Variants in CRYBG2 observed in about 807,000 individuals in gnomAD.
CRYBG2 encodes beta/gamma crystallin domain-containing protein 2.
CRYBG2 carries 106 observed loss-of-function variants against 153.4 expected under a neutral mutation model. The observed-to-expected ratio is 0.69, with a 90% CI of 0.59 to 0.81. CRYBG2 has a LOEUF of 0.81. CRYBG2 is among the 30% of genes least tolerant of loss of function. CRYBG2 has a pLI of 0.00. For synonymous variants in CRYBG2, 851 were observed against 877.8 expected (o/e 0.97, Z 0.54); for missense variants, 1,996 against 2,112.0 (o/e 0.95, Z 1.08).
At chr1:26,327,494 C>T (rs201561851) in intron 17 of CRYBG2, among the ~76,000 whole-genome samples, 3 of 139,390 alleles carry the variant, frequency 2.2e-5, no homozygotes, top group Admixed American at 7.1e-5. Flanking sequence ...AAAAAAAAAC[C>T]AAAAATTAGC....
At chr1:26,353,487 C>T (rs1190501446) in intron 1 of CRYBG2, among the ~76,000 whole-genome samples, 2 of 152,162 alleles carry the variant, frequency 1.3e-5, no homozygotes, top group African/African-American at 2.4e-5. Flanking sequence ...ACTCCTTTGG[C>T]TTCCAGCTCA....
rs1397527927 is a variant in CRYBG2 at position 26,337,662 on chromosome 1, C to T, written c.3520G>A (p.Glu1174Lys). 6.2e-7 allele frequency: 1 copy of T among 1,611,886 alleles called. No homozygotes were observed. Among genetic ancestry groups the T allele is most frequent in the Admixed American group, 1.7e-5 (1 of 59,988 alleles). Residue 1174 changes from glutamate to lysine, a missense_variant, in exon 9 of 20, where the codon GAG (glutamate) becomes AAG (lysine). Physicochemically the swap from Glu to Lys is moderately conservative, Grantham distance 56. Coordinates refer to ENST00000308182, the MANE Select transcript of CRYBG2 (RefSeq NM_001039775.4). ...KPGEPRAVVY[E>K]APGFQGRSWE... ...CTGCGGCCCTGAAAGCCTGGGGCCT[C>T]ATACACCACAGCCTGGGGGAAAGGG...
chr1:26,346,580 G>T lies in CRYBG2; in HGVS notation c.78C>A (p.Pro26=). The stretch of plus-strand genomic sequence containing the variant: ...CATGTTTGATCTCTTCCTGGGTGGG[G>T]GGCCGCTGCCGCCATGTCAATGTGG... ...VSATLTWRQR[P]PTQEEIKHGF... Residue 26 remains proline (P), a synonymous_variant, in exon 2 of 20, where the codon CCC becomes CCA. Transcript: ENST00000308182. The surrounding 1 kb of genome is among the most constrained non-coding windows in gnomAD (Gnocchi z 4.9). 3 of 1,600,550 alleles carry T rather than the reference G, an allele frequency of 1.9e-6. No individual in the cohort carries two copies. Among genetic ancestry groups the T allele is most frequent in the Non-Finnish European group, 2.6e-6 (3 of 1,173,774 alleles).
intron 17 of CRYBG2, among the ~76,000 whole-genome samples, chr1:26,326,030 T>C (rs542960722): frequency 6.6e-6 from 1 of 152,024 alleles, no homozygotes; most frequent in East Asian, 1.9e-4. Flanking sequence ...GCTGGGACTA[T>C]AGCACAAGCC....
intron 17 of CRYBG2, 80 bp from the exon 18 acceptor site, chr1:26,324,390 T>C (rs2073897949): frequency 1.4e-6 from 2 of 1,419,778 alleles, no homozygotes; most frequent in Middle Eastern, 2.2e-4. Context: ...CTCTGGACTC[T>C]CCAGTATCAG....
Position 26,343,982 on chromosome 1 carries a change from C to T in CRYBG2, c.2676G>A (p.Leu892=), listed in dbSNP as rs1211765985. 2.0e-6 allele frequency: 3 copies of T among 1,536,880 alleles called. No individual in the cohort carries two copies. The East Asian group carries it at 7.3e-5, about 38-fold the overall frequency. The change falls in exon 2 of 20, where the codon TTG becomes TTA. Residue 892 remains leucine (L), a synonymous_variant. Coordinates refer to ENST00000308182, the MANE Select transcript of CRYBG2 (RefSeq NM_001039775.4). This position sits in a 1 kb window ranked among gnomAD's most constrained non-coding sequence, Gnocchi z 4.1. The stretch of plus-strand genomic sequence containing the variant: ...TGGGCCTGCTGCCTCCCTGCAGTTC[C>T]AATCCCAGCTCTGAGTGGGGGCCCT... ...GTKGPHSELG[L]ELQGGSRPTS... is the part of the protein sequence containing the mutation.
At chr1:26,342,403 C>T (rs1265298154) in intron 5 of CRYBG2, among the ~76,000 whole-genome samples, 1 of 152,050 alleles carries the variant, frequency 6.6e-6, no homozygotes, top group Non-Finnish European at 1.5e-5. Flanking sequence ...AAGATCTCTG[C>T]CAGGAATTTC....
Position 26,344,156 on chromosome 1 carries a change from T to C in CRYBG2, c.2502A>G (p.Pro834=). The change falls in exon 2 of 20, where the codon CCA becomes CCG. Residue 834 remains proline (P), a synonymous_variant. Coordinates refer to ENST00000308182, the MANE Select transcript of CRYBG2 (RefSeq NM_001039775.4). ...EEKEEEEEEE[P]ENPYLSDDEK... is the part of the protein sequence containing the mutation. ...CATCGTCACTCAGATAGGGGTTCTC[T>C]GGTTCCTCCTCCTCCTCCTCCTCTT... 6.5e-7 allele frequency: 1 copy of C among 1,535,792 alleles called. No homozygotes were observed. The highest frequency in any genetic ancestry group is 8.7e-7 in the Non-Finnish European group (1 of 1,146,648).
rs1305962695 is a variant in CRYBG2, at chr1:26,336,693, C to T, written c.3951G>A (p.Gln1317=). The T allele has an allele frequency of 6.4e-7, 1 of 1,570,976 alleles. No homozygotes were observed. Among genetic ancestry groups the T allele is most frequent in the Non-Finnish European group, 8.6e-7 (1 of 1,157,656 alleles). ...GATACACGCCCTTCTCCAGCACGTA[C>T]TGTTCCCCGGAGAAGCCCACCTCCT... The part of the protein sequence containing the change: ...AYQEVGFSGE[Q]YVLEKGVYRN... Residue 1317 remains glutamine (Q), a synonymous_variant, in exon 12 of 20, where the codon CAG becomes CAA. Transcript: ENST00000308182. This position sits in a 1 kb window ranked among gnomAD's most constrained non-coding sequence, Gnocchi z 4.9.
Position 26,346,756 on chromosome 1 carries a change from T to A in CRYBG2, c.-55-44A>T. On this transcript the variant is annotated intron_variant, in intron 1 of 19. Coordinates refer to ENST00000308182, the MANE Select transcript of CRYBG2 (RefSeq NM_001039775.4). The surrounding 1 kb of genome is among the most constrained non-coding windows in gnomAD (Gnocchi z 4.9). ...GATGAGGGTCAGAGGGTGGTGAGAGTGGCTTCCTAAAGTGCAGAATAACCA... is the reference window on the plus strand; with the variant it reads ...GATGAGGGTCAGAGGGTGGTGAGAGAGGCTTCCTAAAGTGCAGAATAACCA... The A allele has an allele frequency of 7.5e-7, 1 of 1,328,418 alleles. No individual in the cohort carries two copies. The highest frequency in any genetic ancestry group is 1.0e-6 in the Non-Finnish European group (1 of 992,424). The allele number at this position is 1,328,418 out of a possible 1,614,324, so 82.3% of individuals were successfully genotyped here.
Position 26,345,587 on chromosome 1 carries a change from G to A in CRYBG2, c.1071C>T (p.Leu357=), listed in dbSNP as rs749062561. 1.0e-5 allele frequency: 16 copies of A among 1,602,440 alleles called. No individual in the cohort carries two copies. Among genetic ancestry groups the A allele is most frequent in the Admixed American group, 3.3e-5 (2 of 59,996 alleles). ...GGCCAGGAGAGGGGACATGGGTCTC[G>A]AGTCTGGGAGAGGAGGGGACTGATG... ...GQASVPSSPR[L]ETHVPSPGLT... Residue 357 remains leucine, a synonymous_variant, in exon 2 of 20, where the codon CTC becomes CTT. Transcript: ENST00000308182.
At chr1:26,352,877 C>T (rs1173738905) in intron 1 of CRYBG2, among the ~76,000 whole-genome samples, 2 of 151,878 alleles carry the variant, frequency 1.3e-5, no homozygotes, top group Non-Finnish European at 2.9e-5. Flanking sequence ...CTGGGTCCTA[C>T]ATCTCCCTCT....
rs918916870 is a variant in CRYBG2, at chr1:26,325,295, C to T, written c.4579-985G>A. ...AATCCCGGCCGGGCGCGGAGGCTCACGCCTGTAATCCCAGCACTTTGGGAG... is the reference window on the plus strand; with the variant it reads ...AATCCCGGCCGGGCGCGGAGGCTCATGCCTGTAATCCCAGCACTTTGGGAG... On this transcript the variant is annotated intron_variant, in intron 17 of 19. Transcript: ENST00000308182. The surrounding 1 kb of genome is among the most constrained non-coding windows in gnomAD (Gnocchi z 4.1). Among the ~76,000 whole-genome samples the T allele has an allele frequency of 3.9e-5, 6 of 152,212 alleles. No individual in the cohort carries two copies. Among genetic ancestry groups the T allele is most frequent in the African/African-American group, 1.2e-4 (5 of 41,462 alleles).
At position 26,336,194 on chromosome 1, in the gene CRYBG2, G is replaced by A. The variant is rs1437239986; in HGVS notation, c.4085C>T (p.Ser1362Phe). 6.4e-7 allele frequency: 1 copy of A among 1,553,490 alleles called. No homozygotes were observed. Among genetic ancestry groups the A allele is most frequent in the Non-Finnish European group, 8.7e-7 (1 of 1,146,774 alleles). Reference sequence around the variant, plus strand: ...GTGGTCGCCCAGAAAGTCGGGGCGGGAGAAAAGCTGAATCTGGAGGCAGAG... The same window carrying A: ...GTGGTCGCCCAGAAAGTCGGGGCGGAAGAAAAGCTGAATCTGGAGGCAGAG... ...LHFVSKIQLF[S>F]RPDFLGDHFS... The change falls in exon 14 of 20, where the codon TCC becomes TTC. Residue 1362 changes from serine (S) to phenylalanine (F), a missense_variant. By Grantham distance (155) the Ser-to-Phe change is radical. Transcript: ENST00000308182. This position sits in a 1 kb window ranked among gnomAD's most constrained non-coding sequence, Gnocchi z 4.9.
In CRYBG2 at chr1:26,346,795, C is replaced by A; in HGVS notation, c.-55-83G>T. ...GCAGAATAACCACCCCTACCCAAGT[C>A]AGGCTGGGAACCTCAGGCAAATCGC... On this transcript the variant is annotated intron_variant, in intron 1 of 19. Transcript: ENST00000308182. This position sits in a 1 kb window ranked among gnomAD's most constrained non-coding sequence, Gnocchi z 4.9. 1.1e-6 allele frequency: 1 copy of A among 922,614 alleles called. No individual in the cohort carries two copies. The highest frequency in any genetic ancestry group is 2.0e-5 in the South Asian group (1 of 48,850). The allele number at this position is 922,614 out of a possible 1,614,324, so 57.2% of individuals were successfully genotyped here. A position where few individuals can be genotyped will look rare whatever the true frequency, so the allele number is the denominator to read the frequency against.
At chr1:26,326,167 C>T (rs903862761) in intron 17 of CRYBG2, among the ~76,000 whole-genome samples, 4 of 152,204 alleles carry the variant, frequency 2.6e-5, no homozygotes, top group Non-Finnish European at 4.4e-5. Flanking sequence ...GATGAAATTA[C>T]AGGAGTGAGC....
In CRYBG2 at chr1:26,336,566, C is replaced by A. The variant is rs1424265657; in HGVS notation, c.4038+40G>T. On this transcript the variant is annotated intron_variant, in intron 12 of 19. Coordinates refer to ENST00000308182, the MANE Select transcript of CRYBG2 (RefSeq NM_001039775.4). This position sits in a 1 kb window ranked among gnomAD's most constrained non-coding sequence, Gnocchi z 4.9. ...CGGGGCGCACCCGAACTCCAGGTCCCGCCACCGGGGAGGCCCCGCCCCCCG... is the reference window on the plus strand; with the variant it reads ...CGGGGCGCACCCGAACTCCAGGTCCAGCCACCGGGGAGGCCCCGCCCCCCG... 6 of 1,540,928 alleles carry A rather than the reference C, an allele frequency of 3.9e-6. No individual in the cohort carries two copies. The South Asian group carries it at 4.8e-5, about 12-fold the overall frequency.
intron 1 of CRYBG2, among the ~76,000 whole-genome samples, chr1:26,351,450 G>A (rs1199379836): frequency 2.0e-5 from 3 of 152,130 alleles, no homozygotes; most frequent in African/African-American, 7.2e-5. Flanking sequence ...GGATGTGCTA[G>A]GCCTTGGCTA....
rs1487380584 is a variant in CRYBG2 at position 26,345,311 on chromosome 1, GTT to G, written c.1345_1346del (p.Asn449LeufsTer2). The G allele has an allele frequency of 6.2e-7, 1 of 1,613,634 alleles. No homozygotes were observed. The highest frequency in any genetic ancestry group is 2.2e-5 in the East Asian group (1 of 44,882). ...AGGGGAGGACAGGGACATTTTCAGA[GTT>G]CTGAACAAACTTATTCCTTGGGGAC... ...PSSPRNKFVQ[N>X]SENVPVLPFT... On this transcript the variant is annotated frameshift_variant, in exon 2 of 20. Coordinates refer to ENST00000308182, the MANE Select transcript of CRYBG2 (RefSeq NM_001039775.4). LOFTEE classifies it high-confidence loss of function.
Sources: allele counts gnomAD v4.1 joint callset (sites outside exome capture counted in the v4.1 genomes callset), GRCh38; gene constraint gnomAD v4.1.1; non-coding constraint Gnocchi (gnomAD v3.1); transcripts MANE v1.5; gene names NCBI Gene and HGNC (gene_info 2026-07-23, HGNC 2026-07-21).